Variants in LRFN2 observed in about 807,000 individuals in gnomAD.
LRFN2 encodes the protein leucine rich repeat and fibronectin type III domain containing 2, also known as leucine-rich repeat and fibronectin type-III domain-containing protein 2.
Under a neutral mutation model 37.3 loss-of-function variants are expected in LRFN2, and 18 were observed. The ratio of observed to expected loss-of-function variants is 0.48; its 90% CI spans 0.33 to 0.72. The LOEUF (loss-of-function observed/expected upper bound fraction) is 0.72, where lower values mean the gene tolerates loss of function less well. Ranked by LOEUF, LRFN2 falls within the 30% of genes least tolerant of loss-of-function variation. LRFN2 has a pLI of 0.02. For missense variants in LRFN2, 1,006 were observed against 1,060.7 expected (o/e 0.95, Z 0.72); for synonymous variants, 556 against 466.6 (o/e 1.19, Z -2.47).
chr6:40,567,822 G>A (rs1561910655), intron 1 of LRFN2, among the ~76,000 whole-genome samples: 1 of 152,182 alleles, frequency 6.6e-6, no homozygotes, highest in Non-Finnish European at 1.5e-5. Flanking sequence ...CCTGGCTAAA[G>A]CGGAGGTGCT....
chr6:40,474,824 T>A (rs932272650), intron 1 of LRFN2, among the ~76,000 whole-genome samples: 1 of 152,192 alleles, frequency 6.6e-6, no homozygotes, highest in Non-Finnish European at 1.5e-5. Context: ...TTATTCCAAA[T>A]AAGGTCATAT....
chr6:40,541,550 G>A (rs1561901279), intron 1 of LRFN2, among the ~76,000 whole-genome samples: 1 of 152,164 alleles, frequency 6.6e-6, no homozygotes, highest in Non-Finnish European at 1.5e-5. Flanking sequence ...AACCATAAAG[G>A]CAGACATCAG....
At chr6:40,443,037 T>C (rs966110481) in intron 1 of LRFN2, among the ~76,000 whole-genome samples, 1 of 152,134 alleles carries the variant, frequency 6.6e-6, no homozygotes, top group African/African-American at 2.4e-5. Context: ...ACAAAAATAA[T>C]TTAGAAAATC....
At chr6:40,405,222 C>T (rs1468894158) in intron 2 of LRFN2, among the ~76,000 whole-genome samples, 5 of 152,262 alleles carry the variant, frequency 3.3e-5, no homozygotes, top group Admixed American at 6.5e-5. Context: ...TAGATGTCAT[C>T]GGAATACCTG....
At chr6:40,509,603 G>A (rs1253651603) in intron 1 of LRFN2, among the ~76,000 whole-genome samples, 2 of 152,080 alleles carry the variant, frequency 1.3e-5, no homozygotes, top group East Asian at 3.9e-4. Context: ...AGGGAATATT[G>A]GGCTATGAAG....
At chr6:40,556,208 G>A (rs1766873183) in intron 1 of LRFN2, among the ~76,000 whole-genome samples, 1 of 152,154 alleles carries the variant, frequency 6.6e-6, no homozygotes, top group Admixed American at 6.5e-5. Context: ...GAAATCAGAG[G>A]CCCTCCCACA....
intron 2 of LRFN2, among the ~76,000 whole-genome samples, chr6:40,414,364 C>T (rs1461540320): frequency 6.6e-6 from 1 of 152,148 alleles, no homozygotes; most frequent in Non-Finnish European, 1.5e-5. Context: ...GCTTCTTCAC[C>T]AGGCCATGCC....
chr6:40,490,316 C>T (rs549987295), intron 1 of LRFN2, among the ~76,000 whole-genome samples: 11 of 152,262 alleles, frequency 7.2e-5, no homozygotes, highest in South Asian at 2.1e-4. Context: ...TATTTATGGC[C>T]GTGTCCATGC....
At chr6:40,395,583 G>A (rs1487439171) in intron 2 of LRFN2, among the ~76,000 whole-genome samples, 2 of 152,154 alleles carry the variant, frequency 1.3e-5, no homozygotes, top group Admixed American at 6.5e-5. Flanking sequence ...AATGATGTAA[G>A]TTGAGATGGC....
At chr6:40,494,029 T>C (rs1490376836) in intron 1 of LRFN2, among the ~76,000 whole-genome samples, 1 of 152,196 alleles carries the variant, frequency 6.6e-6, no homozygotes, top group African/African-American at 2.4e-5. Flanking sequence ...CTAGGGACAG[T>C]CAGAGAGGAG....
chr6:40,456,067 C>G (rs1764227222), intron 1 of LRFN2, among the ~76,000 whole-genome samples: 2 of 152,108 alleles, frequency 1.3e-5, no homozygotes, highest in Non-Finnish European at 2.9e-5. Context: ...AGGTTGACAG[C>G]CTGCAAGAGA....
chr6:40,467,334 G>C (rs1764493660), intron 1 of LRFN2, among the ~76,000 whole-genome samples: 1 of 152,026 alleles, frequency 6.6e-6, no homozygotes, highest in South Asian at 2.1e-4. Context: ...CCTGTCTGGG[G>C]CAGGCCCAGC....
chr6:40,411,157 C>T (rs957664976), intron 2 of LRFN2, among the ~76,000 whole-genome samples: 1 of 152,200 alleles, frequency 6.6e-6, no homozygotes, highest in Non-Finnish European at 1.5e-5. Context: ...GTGCATGGGT[C>T]TGAAGCCCCA....
At chr6:40,470,637 C>T (rs1037079987) in intron 1 of LRFN2, among the ~76,000 whole-genome samples, 2 of 151,866 alleles carry the variant, frequency 1.3e-5, no homozygotes, top group Non-Finnish European at 2.9e-5. Flanking sequence ...CTGTGTTCTA[C>T]CTGCTCTCAG....
At chr6:40,426,361 G>A (rs536896888) in intron 2 of LRFN2, among the ~76,000 whole-genome samples, 26 of 152,286 alleles carry the variant, frequency 1.7e-4, no homozygotes, top group Non-Finnish European at 3.7e-4. Context: ...CTACTTTGTG[G>A]CAGCTTTTAC....
At chr6:40,481,791 G>T (rs9380962) in intron 1 of LRFN2, among the ~76,000 whole-genome samples, 17,116 of 152,102 alleles carry the variant, frequency 0.11, 2,013 homozygotes, top group African/African-American at 0.3. Context: ...GTGCCCGGGG[G>T]CAGGAGATGA....
intron 1 of LRFN2, among the ~76,000 whole-genome samples, chr6:40,481,570 T>A (rs2113863853): frequency 6.6e-6 from 1 of 152,102 alleles, no homozygotes; most frequent in East Asian, 1.9e-4. Flanking sequence ...TGCTTTGAAT[T>A]TGCTTATTTT....
At chr6:40,557,574 C>T (rs1766913714) in intron 1 of LRFN2, among the ~76,000 whole-genome samples, 1 of 152,244 alleles carries the variant, frequency 6.6e-6, no homozygotes, top group Non-Finnish European at 1.5e-5. Flanking sequence ...AGTAGGATAC[C>T]TACAAATAAA....
At chr6:40,497,928 A>G (rs1490127475) in intron 1 of LRFN2, among the ~76,000 whole-genome samples, 1 of 152,188 alleles carries the variant, frequency 6.6e-6, no homozygotes, top group East Asian at 1.9e-4. Context: ...GCTATTTATC[A>G]TCTTTACTCT....
Sources: allele counts gnomAD v4.1 joint callset (sites outside exome capture counted in the v4.1 genomes callset), GRCh38; gene constraint gnomAD v4.1.1; transcripts MANE v1.5; gene names NCBI Gene and HGNC (gene_info 2026-07-23, HGNC 2026-07-21).